The following CNTNAP2 variants were observed in gnomAD, a reference collection of about 807,000 sequenced individuals.
CNTNAP2 encodes the protein contactin-associated protein-like 2.
Under a neutral mutation model 155.2 loss-of-function variants are expected in CNTNAP2, and 98 were observed. The ratio of observed to expected loss-of-function variants is 0.63; its 90% CI spans 0.54 to 0.75. CNTNAP2 has a LOEUF of 0.75. CNTNAP2 is among the 30% of genes least tolerant of loss of function. The probability of loss-of-function intolerance (pLI) is 0.00; values close to 1 mark genes in which losing one functional copy is unlikely to be tolerated. For missense variants in CNTNAP2, 1,727 were observed against 1,688.1 expected (o/e 1.02, Z -0.40); for synonymous variants, 651 against 631.2 (o/e 1.03, Z -0.47).
chr7:146,972,308 A>G (rs1026726731), intron 3 of CNTNAP2, among the ~76,000 whole-genome samples: 1 of 152,216 alleles, frequency 6.6e-6, no homozygotes, highest in South Asian at 2.1e-4. Flanking sequence ...CTAGTATTTC[A>G]TTTAAAATAA....
intron 1 of CNTNAP2, among the ~76,000 whole-genome samples, chr7:146,412,405 G>C (rs6961706): frequency 9.2e-5 from 14 of 152,216 alleles, no homozygotes; most frequent in Non-Finnish European, 2.1e-4. Context: ...CTAGAGACAA[G>C]AGAAGAGTCT....
rs73166402 is a variant in CNTNAP2, at chr7:146,703,284, G to T, written c.98-70987G>T. Among the ~76,000 whole-genome samples the T allele has an allele frequency of 5.5e-3, 838 of 152,068 alleles. 5 individuals carry two copies. Among genetic ancestry groups the T allele is most frequent in the African/African-American group, 0.019 (799 of 41,482 alleles). On this transcript the variant is annotated intron_variant, in intron 1 of 23. Transcript: ENST00000361727. Reference sequence around the variant, plus strand: ...GCTACAATAGCCATTTCTCTGGAGGGGTCTCTATGAGGGTTGGTCAAGTGT... The same window carrying T: ...GCTACAATAGCCATTTCTCTGGAGGTGTCTCTATGAGGGTTGGTCAAGTGT...
chr7:148,083,957 TA>T (rs1386936306), intron 15 of CNTNAP2, among the ~76,000 whole-genome samples: 3 of 152,204 alleles, frequency 2.0e-5, no homozygotes. Flanking sequence ...CAGTGCTTTT[TA>T]AACCAGGATC....
At chr7:146,497,532 G>C (rs1797236642) in intron 1 of CNTNAP2, among the ~76,000 whole-genome samples, 1 of 151,906 alleles carries the variant, frequency 6.6e-6, no homozygotes, top group African/African-American at 2.4e-5. Context: ...TGAGTCTACA[G>C]TGTACTTCAC....
chr7:147,926,451 T>C (rs1375127852), intron 14 of CNTNAP2, among the ~76,000 whole-genome samples: 4 of 152,264 alleles, frequency 2.6e-5, no homozygotes, highest in Non-Finnish European at 5.9e-5. Flanking sequence ...GTTTGATTTA[T>C]GCTTTTAATA....
chr7:147,023,181 G>A (rs759477690), intron 3 of CNTNAP2, among the ~76,000 whole-genome samples: 11 of 151,938 alleles, frequency 7.2e-5, no homozygotes, highest in African/African-American at 1.2e-4. Context: ...ACACGGGCAC[G>A]GCAACTGATA....
At chr7:146,728,216 A>C (rs534048081) in intron 1 of CNTNAP2, among the ~76,000 whole-genome samples, 95 of 152,246 alleles carry the variant, frequency 6.2e-4, no homozygotes, top group Non-Finnish European at 1.1e-3. Flanking sequence ...CATCTTGAGA[A>C]AATGCATAGA....
chr7:147,304,557 A>G (rs1429926895), intron 9 of CNTNAP2, among the ~76,000 whole-genome samples: 3 of 152,146 alleles, frequency 2.0e-5, no homozygotes, highest in African/African-American at 7.2e-5. Context: ...GAGGAGAGAT[A>G]AGAAGCTTCT....
At chr7:148,156,371 C>G (rs527786441) in intron 17 of CNTNAP2, among the ~76,000 whole-genome samples, 10 of 152,312 alleles carry the variant, frequency 6.6e-5, no homozygotes, top group East Asian at 3.9e-4. Flanking sequence ...CTCCTGCGCT[C>G]TTTCCTGAAA....
chr7:148,290,102 A>T (rs1446280613), intron 21 of CNTNAP2, among the ~76,000 whole-genome samples: 2 of 152,218 alleles, frequency 1.3e-5, no homozygotes, highest in African/African-American at 4.8e-5. Context: ...GTCATATTTA[A>T]GTAGTCACGG....
chr7:147,804,432 CA>C (rs1798057791), intron 13 of CNTNAP2, among the ~76,000 whole-genome samples: 1 of 152,166 alleles, frequency 6.6e-6, no homozygotes, highest in Non-Finnish European at 1.5e-5. Context: ...AAAATCTTAT[CA>C]GATTACTCTC....
intron 1 of CNTNAP2, among the ~76,000 whole-genome samples, chr7:146,772,031 T>A (rs1013151498): frequency 1.3e-5 from 2 of 152,172 alleles, no homozygotes; most frequent in African/African-American, 4.8e-5. Flanking sequence ...TCATTTATCC[T>A]ACAAATGTTT....
chr7:147,330,102 C>G (rs1249903731), intron 9 of CNTNAP2, among the ~76,000 whole-genome samples: 1 of 152,078 alleles, frequency 6.6e-6, no homozygotes, highest in South Asian at 2.1e-4. Flanking sequence ...TGAGGCTGGT[C>G]ACCAGAAAGA....
At chr7:147,279,305 C>A (rs532720287) in intron 8 of CNTNAP2, among the ~76,000 whole-genome samples, 1 of 151,512 alleles carries the variant, frequency 6.6e-6, no homozygotes, top group Non-Finnish European at 1.5e-5. Flanking sequence ...AATGGTGAGA[C>A]GATTATTCAT....
At chr7:146,447,975 C>T (rs1203928634) in intron 1 of CNTNAP2, among the ~76,000 whole-genome samples, 1 of 151,772 alleles carries the variant, frequency 6.6e-6, no homozygotes, top group Non-Finnish European at 1.5e-5. Flanking sequence ...ATATTGGCTT[C>T]CAAAATTGGA....
At position 148,268,046 on chromosome 7, in the gene CNTNAP2, A is replaced by G. The variant is rs529054438; in HGVS notation, c.3475+920A>G. On this transcript the variant is annotated intron_variant, in intron 21 of 23. Transcript: ENST00000361727. ...CCTCTCTTCACCAGAGGAGATTAGC[A>G]CTGTGCAAAGCTAAAAAATGTACCA... Among the ~76,000 whole-genome samples, 10 of 152,320 alleles carry G rather than the reference A, an allele frequency of 6.6e-5. No homozygotes were observed. The South Asian group carries it at 2.1e-3, about 32-fold the overall frequency.
chr7:148,307,645 AG>A (rs1321820386), intron 21 of CNTNAP2, among the ~76,000 whole-genome samples: 1 of 152,220 alleles, frequency 6.6e-6, no homozygotes, highest in East Asian at 1.9e-4. Flanking sequence ...GGAATCCTTC[AG>A]CACTTCTATT....
intron 13 of CNTNAP2, among the ~76,000 whole-genome samples, chr7:147,900,450 C>A (rs2116745959): frequency 6.6e-6 from 1 of 152,210 alleles, no homozygotes; most frequent in South Asian, 2.1e-4. Flanking sequence ...CCTTGCTTAC[C>A]CTTCTTCGTC....
At chr7:146,418,825 A>T (rs1795971973) in intron 1 of CNTNAP2, among the ~76,000 whole-genome samples, 1 of 152,100 alleles carries the variant, frequency 6.6e-6, no homozygotes, top group Admixed American at 6.6e-5. Context: ...AATCCTAATG[A>T]CACAGAGGCT....
Sources: gnomAD v4.1 joint callset for allele counts (sites outside exome capture counted in the v4.1 genomes callset) on GRCh38, gnomAD v4.1.1 for gene constraint, MANE v1.5 for transcripts, NCBI Gene and HGNC (gene_info 2026-07-23, HGNC 2026-07-21) for gene names.